The following BRD9 variants were observed in gnomAD, a reference collection of about 807,000 sequenced individuals.
BRD9 encodes the protein bromodomain containing 9.
In BRD9, 47 loss-of-function variants were observed where a neutral mutation model predicts 68.7. That is an observed-to-expected ratio of 0.68 (90% CI 0.54 to 0.87). The LOEUF is 0.87. Ranked by LOEUF, BRD9 falls within the 40% of genes least tolerant of loss-of-function variation. BRD9 has a pLI of 0.00. For missense variants in BRD9, 670 were observed against 748.4 expected, an observed-to-expected ratio of 0.90 and a Z score of 1.22; for synonymous variants, 313 against 293.9, an observed-to-expected ratio of 1.06 and a Z score of -0.67.
chr5:865,432 T>C lies in BRD9; in HGVS notation c.1675A>G (p.Arg559Gly). ...ATCTCACCCAGGTGGTGCTGGTCCC[T>C]CTCGGAGGCGTTGGACAGGGAGCTG... is the stretch of plus-strand genomic sequence containing the variant. ...NLSSLSNASE[R>G]DQHHLGSPSR... is the part of the protein sequence containing the mutation. Residue 559 changes from arginine to glycine, a missense_variant, in exon 15 of 16, where the codon AGG (arginine) becomes GGG (glycine). Physicochemically the swap from Arg to Gly is moderately radical, Grantham distance 125. This residue lies in a region of BRD9 where 280 missense variants were observed against 281.5 expected (regional missense o/e 0.99). Transcript: ENST00000467963. 6.3e-7 allele frequency: 1 copy of C among 1,586,478 alleles called. No individual in the cohort carries two copies. Among genetic ancestry groups the C allele is most frequent in the Non-Finnish European group, 8.6e-7 (1 of 1,162,660 alleles).
chr5:891,452 T>C (rs556038584), intron 2 of BRD9, 165 bp from the exon 3 acceptor site: 43 of 1,325,610 alleles, frequency 3.2e-5, no homozygotes, highest in South Asian at 6.1e-5. Context: ...TGGCAGGGTC[T>C]GCTGAGGAAC....
intron 6 of BRD9, 53 bp downstream of exon 6, chr5:887,308 G>A (rs910841172): frequency 4.0e-5 from 59 of 1,461,538 alleles, no homozygotes; most frequent in Middle Eastern, 3.4e-4. Context: ...CACAAGCGAC[G>A]GGGGGCAGAG....
Position 880,952 on chromosome 5 carries a change from G to A in BRD9, c.1042+155C>T, listed in dbSNP as rs150879216. 1.3e-3 allele frequency among the ~76,000 whole-genome samples: 195 copies of A among 152,358 alleles called. 2 individuals carry two copies. The East Asian group carries it at 0.032, about 25-fold the overall frequency. On this transcript the variant is annotated intron_variant, in intron 9 of 15. Transcript: ENST00000467963. ...ATGGCCGTCCACACCTCCACTCAGC[G>A]CACGTGTCACGTTGGGGTGCGAGCA...
At chr5:885,067 G>C (rs573068612) in intron 7 of BRD9, among the ~76,000 whole-genome samples, 1 of 152,342 alleles carries the variant, frequency 6.6e-6, no homozygotes, top group South Asian at 2.1e-4. Flanking sequence ...ATGCTGACCA[G>C]CACCAACTTC....
intron 14 of BRD9, chr5:869,432 C>T (rs1749820523): frequency 2.2e-6 from 1 of 448,372 alleles, no homozygotes; most frequent in South Asian, 1.6e-5. Flanking sequence ...AAATATATCC[C>T]TTTGACATAT....
At chr5:866,172 C>G (rs566711480) in intron 14 of BRD9, 2 of 152,458 alleles carry the variant, frequency 1.3e-5, no homozygotes, top group African/African-American at 4.8e-5. Context: ...CGGGGTGACT[C>G]TGGGCTTACC....
intron 13 of BRD9, among the ~76,000 whole-genome samples, chr5:870,889 A>AT (rs1195204190): frequency 1.3e-5 from 2 of 152,192 alleles, no homozygotes; most frequent in Non-Finnish European, 2.9e-5. Flanking sequence ...GACACACAGA[A>AT]TTTTAGGGTC....
intron 7 of BRD9, 146 bp downstream of exon 7, chr5:886,446 C>A (rs1448555446): frequency 5.9e-6 from 5 of 851,288 alleles, no homozygotes; most frequent in East Asian, 2.6e-5. Flanking sequence ...TGGCCACACT[C>A]CTCCTGCCAG....
intron 11 of BRD9, 30 bp from the exon 12 acceptor site, chr5:876,242 A>C: frequency 1.3e-6 from 2 of 1,571,594 alleles, no homozygotes; most frequent in Non-Finnish European, 1.7e-6. Context: ...AGGTACGCTG[A>C]AAGGAGCCCT....
rs758788188 is a variant in BRD9, at chr5:876,223, C to A, written c.1272-11G>T. 1 of 1,606,080 alleles carries A rather than the reference C, an allele frequency of 6.2e-7. No individual in the cohort carries two copies. The highest frequency in any genetic ancestry group is 1.1e-5 in the South Asian group (1 of 90,906). On this transcript the variant is annotated splice_polypyrimidine_tract_variant and intron_variant, in intron 11 of 15. Transcript: ENST00000467963. The stretch of plus-strand genomic sequence containing the variant: ...ACAAACTCCTGCAGGCTAGAGGGGC[C>A]GCGGGAGAAGGTACGCTGAAAGGAG...
rs762097391 is a variant in BRD9, at chr5:870,492, G to A, written c.1506C>T (p.Ile502=). 5.0e-6 allele frequency: 8 copies of A among 1,613,932 alleles called. No homozygotes were observed. Among genetic ancestry groups the A allele is most frequent in the Non-Finnish European group, 6.8e-6 (8 of 1,179,796 alleles). The change falls in exon 14 of 16, where the codon ATC becomes ATT. Residue 502 remains isoleucine, a synonymous_variant. Coordinates refer to ENST00000467963, the MANE Select transcript of BRD9 (RefSeq NM_023924.5). ...ACTCACCCAGAGAGCTGAGCATGGA[G>A]ATATCCACAGAAACGTCGGGATAGG... ...MKSYPDVSVD[I]SMLSSLGKVK...
chr5:890,853 T>A (rs1050545908), intron 3 of BRD9, among the ~76,000 whole-genome samples: 3 of 152,114 alleles, frequency 2.0e-5, no homozygotes, highest in African/African-American at 7.2e-5. Context: ...ATACGATTGG[T>A]CTCTGTGGAG....
rs746542185 is a variant in BRD9, at chr5:876,136, C to G, written c.1348G>C (p.Gly450Arg). 6.2e-7 allele frequency: 1 copy of G among 1,613,552 alleles called. No individual in the cohort carries two copies. The highest frequency in any genetic ancestry group is 1.3e-5 in the African/African-American group (1 of 74,888). The part of the protein sequence containing the change: ...VDDLLDQITG[G>R]DHSRTLFQLK... ...TGGAAGAGCGTCCTAGAGTGGTCTC[C>G]GCCTGTGATCTGGTCCAGGAGGTCG... Residue 450 changes from glycine to arginine, a missense_variant, in exon 12 of 16, where the codon GGA becomes CGA. Gly to Arg is a moderately radical substitution (Grantham distance 125). This residue lies in a region of BRD9 where 280 missense variants were observed against 281.5 expected (regional missense o/e 0.99). Transcript: ENST00000467963.
chr5:881,156 G>A lies in BRD9; in HGVS notation c.993C>T (p.Asp331=), dbSNP rs142414719. Residue 331 remains aspartate (D), a synonymous_variant, in exon 9 of 16, where the codon GAC becomes GAT. Transcript: ENST00000467963. ...TGACCACGCTGTAGAGCAGGCTCCC[G>A]TCCCCGTTCCTCTTCAGATAGCCCA... ...GKMGYLKRNG[D]GSLLYSVVNT... 301 of 1,614,020 alleles carry A rather than the reference G, an allele frequency of 1.9e-4. No individual in the cohort carries two copies. In the African/African-American group the frequency reaches 3.0e-3, roughly 16 times the overall value.
At chr5:875,817 A>G (rs954031258) in intron 12 of BRD9, among the ~76,000 whole-genome samples, 1 of 152,278 alleles carries the variant, frequency 6.6e-6, no homozygotes, top group Non-Finnish European at 1.5e-5. Context: ...TCTGAACTAC[A>G]GGAAATATTT....
Position 891,669 on chromosome 5 carries a change from G to A in BRD9, c.238C>T (p.Leu80=). The A allele has an allele frequency of 6.4e-7, 1 of 1,551,542 alleles. No individual in the cohort carries two copies. Among genetic ancestry groups the A allele is most frequent in the South Asian group, 1.2e-5 (1 of 84,052 alleles). The part of the protein sequence containing the change: ...KKKKSEKEKH[L]DDEERRKRKE... ...CGCTTCCTTCTTTCCTCATCGTCCA[G>A]ATGCTTCTCCTTCTCGGACTTCTTC... is the stretch of plus-strand genomic sequence containing the variant. Residue 80 remains leucine (L), a synonymous_variant, in exon 2 of 16, where the codon CTG becomes TTG. Transcript: ENST00000467963.
At chr5:885,446 G>GT (rs1752413778) in intron 7 of BRD9, among the ~76,000 whole-genome samples, 2 of 152,190 alleles carry the variant, frequency 1.3e-5, no homozygotes, top group African/African-American at 2.4e-5. Flanking sequence ...TTAAATCCAC[G>GT]TGAGTCCCAT....
At chr5:889,677 A>G (rs374225023) in intron 3 of BRD9, 30 bp from the exon 4 acceptor site, 13 of 1,609,214 alleles carry the variant, frequency 8.1e-6, no homozygotes, top group African/African-American at 1.3e-5. Context: ...AAAATTGAAT[A>G]CAAGACTTTG....
chr5:886,173 C>T (rs1283678758), intron 7 of BRD9, among the ~76,000 whole-genome samples: 1 of 152,242 alleles, frequency 6.6e-6, no homozygotes, highest in Non-Finnish European at 1.5e-5. Flanking sequence ...CAGGAGTGTG[C>T]ATCTGCCCCA....
Sources: gnomAD v4.1 joint callset for allele counts (sites outside exome capture counted in the v4.1 genomes callset) on GRCh38, gnomAD v4.1.1 for gene constraint, gnomAD v4.1.1 regional missense constraint, MANE v1.5 for transcripts, NCBI Gene and HGNC (gene_info 2026-07-23, HGNC 2026-07-21) for gene names.